Variants in MCM6 observed in about 807,000 individuals in gnomAD.
MCM6 encodes the protein DNA replication licensing factor MCM6.
In MCM6, 46 loss-of-function variants were observed where a neutral mutation model predicts 94.3. The observed-to-expected ratio is 0.49, with a 90% confidence interval of 0.39 to 0.62. The LOEUF is 0.62. MCM6 is among the 20% of genes least tolerant of loss of function. The probability of loss-of-function intolerance (pLI) is 0.00; values close to 1 mark genes in which losing one functional copy is unlikely to be tolerated. For missense variants in MCM6, 865 were observed against 1,017.9 expected (o/e 0.85, Z 2.04); for synonymous variants, 335 against 351.9 (o/e 0.95, Z 0.54).
chr2:135,867,949 C>T (rs1314610261), intron 4 of MCM6, among the ~76,000 whole-genome samples: 1 of 152,102 alleles, frequency 6.6e-6, no homozygotes, highest in African/African-American at 2.4e-5. Context: ...ATGGCGTGAA[C>T]CCAGGAGGCG....
intron 4 of MCM6, among the ~76,000 whole-genome samples, chr2:135,867,876 A>C (rs556357174): frequency 1.2e-4 from 19 of 152,148 alleles, no homozygotes; most frequent in African/African-American, 4.6e-4. Context: ...AAATACAAAA[A>C]ATTAGCCGGG....
chr2:135,870,278 G>GC lies in MCM6; in HGVS notation c.337dup (p.Ala113GlyfsTer85). 6.2e-7 allele frequency: 1 copy of GC among 1,613,646 alleles called. No homozygotes were observed. Among genetic ancestry groups the GC allele is most frequent in the Non-Finnish European group, 8.5e-7 (1 of 1,179,614 alleles). ...GTGTCTGGTAGGCAGGTCTTGGAAT[G>GC]CAACATAAAAATCCTTGGCAAGAGG... On this transcript the variant is annotated frameshift_variant, in exon 3 of 17. Transcript: ENST00000264156. LOFTEE classifies it high-confidence loss of function.
Position 135,848,113 on chromosome 2 carries a change from T to C in MCM6, c.1993A>G (p.Asn665Asp). The stretch of plus-strand genomic sequence containing the variant: ...TGGATCTCTTCCTCTTGATCTAGAT[T>C]GACATCAGGTGTTTCCACACGGATG... ...SIIRVETPDV[N>D]LDQEEEIQME... The change falls in exon 14 of 17, where the codon AAT becomes GAT. Residue 665 changes from asparagine (N) to aspartate (D), a missense_variant. Transcript: ENST00000264156. 6.2e-7 allele frequency: 1 copy of C among 1,609,868 alleles called. No individual in the cohort carries two copies. The highest frequency in any genetic ancestry group is 1.1e-5 in the South Asian group (1 of 90,966).
At chr2:135,868,924 A>C in intron 3 of MCM6, 64 bp from the exon 4 acceptor site, 1 of 1,465,808 alleles carries the variant, frequency 6.8e-7, no homozygotes, top group Non-Finnish European at 9.5e-7. Context: ...TTTCCATTTT[A>C]GTGAGAGGGT....
chr2:135,856,674 T>C (rs1679897592), intron 11 of MCM6, 54 bp downstream of exon 11: 2 of 1,574,272 alleles, frequency 1.3e-6, no homozygotes, highest in Admixed American at 1.7e-5. Flanking sequence ...TCTTCCAGCC[T>C]TGTCTCACTC....
intron 16 of MCM6, among the ~76,000 whole-genome samples, chr2:135,843,069 C>T (rs1679603911): frequency 2.6e-5 from 4 of 152,060 alleles, no homozygotes; most frequent in Middle Eastern, 3.4e-3. Context: ...CTGGTGAAGG[C>T]GGTAAAAAGA....
Position 135,866,737 on chromosome 2 carries a change from C to G in MCM6, c.616-9G>C. The G allele has an allele frequency of 1.9e-6, 3 of 1,589,286 alleles. No homozygotes were observed. The highest frequency in any genetic ancestry group is 2.6e-6 in the Non-Finnish European group (3 of 1,170,862). ...GTCTCTTGAATACGAACCTGTAATA[C>G]AGACAAACAACCAACCAAGAATGAG... On this transcript the variant is annotated splice_polypyrimidine_tract_variant and intron_variant, in intron 4 of 16. Transcript: ENST00000264156.
At chr2:135,843,601 G>A (rs933360202) in intron 16 of MCM6, among the ~76,000 whole-genome samples, 6 of 151,600 alleles carry the variant, frequency 4.0e-5, no homozygotes, top group Admixed American at 2.0e-4. Flanking sequence ...TTAGCCGGGC[G>A]TGGTGGCCGG....
At position 135,862,661 on chromosome 2, in the gene MCM6, T is replaced by C. The variant is rs761487699; in HGVS notation, c.1166A>G (p.Asp389Gly). 1.2e-6 allele frequency: 2 copies of C among 1,614,186 alleles called. No individual in the cohort carries two copies. Among genetic ancestry groups the C allele is most frequent in the Non-Finnish European group, 8.5e-7 (1 of 1,180,038 alleles). The change falls in exon 8 of 17, where the codon GAC (aspartate) becomes GGC (glycine). Residue 389 changes from aspartate (D) to glycine (G), a missense_variant. Coordinates refer to ENST00000264156, the MANE Select transcript of MCM6 (RefSeq NM_005915.6). ...TTGEGTSLRGDINVCIVGDPS... is the reference protein window; with the variant it reads ...TTGEGTSLRGGINVCIVGDPS... ...GTCACCAACAATGCAAACATTTATG[T>C]CCCCTCGAAGAGAGGTCCCTTCTCC...
intron 13 of MCM6, among the ~76,000 whole-genome samples, chr2:135,850,930 G>A (rs947661690): frequency 6.6e-6 from 1 of 152,178 alleles, no homozygotes; most frequent in African/African-American, 2.4e-5. Flanking sequence ...AAGATGGGAC[G>A]CTTGAATGCC....
At chr2:135,875,421 G>A (rs1203698146) in intron 1 of MCM6, among the ~76,000 whole-genome samples, 1 of 151,968 alleles carries the variant, frequency 6.6e-6, no homozygotes, top group Non-Finnish European at 1.5e-5. Flanking sequence ...CGAGGTGAAT[G>A]CACTTAGTGC....
rs574397269 is a variant in MCM6 at position 135,848,553 on chromosome 2, T to C, written c.1918-365A>G. 3.3e-5 allele frequency among the ~76,000 whole-genome samples: 5 copies of C among 152,260 alleles called. No homozygotes were observed. The South Asian group carries it at 1.0e-3, about 32-fold the overall frequency. On this transcript the variant is annotated intron_variant, in intron 13 of 16. Coordinates refer to ENST00000264156, the MANE Select transcript of MCM6 (RefSeq NM_005915.6). ...GTATGTACTTGTAGAAATATAAACATATATACATATCATATGAATCCAAAG... is the reference window on the plus strand; with the variant it reads ...GTATGTACTTGTAGAAATATAAACACATATACATATCATATGAATCCAAAG...
At chr2:135,850,898 C>T (rs182609517) in intron 13 of MCM6, among the ~76,000 whole-genome samples, 80 of 152,288 alleles carry the variant, frequency 5.3e-4, no homozygotes, top group African/African-American at 1.9e-3. Flanking sequence ...TAGGAAAACG[C>T]AGGGCTGCTT....
intron 14 of MCM6, 150 bp from the exon 15 acceptor site, chr2:135,846,542 T>C: frequency 6.0e-6 from 4 of 661,384 alleles, no homozygotes; most frequent in Non-Finnish European, 9.9e-6. Flanking sequence ...AGGGTCTTGC[T>C]ATGCTGCCCA....
intron 9 of MCM6, 70 bp from the exon 10 acceptor site, chr2:135,858,074 C>T: frequency 1.4e-6 from 2 of 1,439,344 alleles, no homozygotes; most frequent in South Asian, 1.2e-5. Context: ...CTTGTAATCC[C>T]AGCACTTTGG....
chr2:135,844,795 G>A (rs1679640639), intron 15 of MCM6, 111 bp from the exon 16 acceptor site: 3 of 1,164,906 alleles, frequency 2.6e-6, no homozygotes, highest in Non-Finnish European at 2.3e-6. Context: ...TAAATGTCAA[G>A]CCGTCCGAAA....
At chr2:135,844,049 G>A (rs369285940) in intron 16 of MCM6, among the ~76,000 whole-genome samples, 16 of 151,670 alleles carry the variant, frequency 1.1e-4, no homozygotes, top group East Asian at 7.8e-4. Flanking sequence ...TCTGGTCATC[G>A]ATTTAAATAA....
chr2:135,847,292 A>G (rs944079741), intron 14 of MCM6, among the ~76,000 whole-genome samples: 1 of 152,100 alleles, frequency 6.6e-6, no homozygotes, highest in African/African-American at 2.4e-5. Context: ...TGGCGTGGGC[A>G]TATGTCCCAG....
chr2:135,868,554 T>C, intron 4 of MCM6, 57 bp downstream of exon 4: 1 of 1,566,914 alleles, frequency 6.4e-7, no homozygotes, highest in Non-Finnish European at 8.8e-7. Flanking sequence ...TGCAAGGGCC[T>C]AGAAGTGAAT....
Sources: allele counts gnomAD v4.1 joint callset (sites outside exome capture counted in the v4.1 genomes callset), GRCh38; gene constraint gnomAD v4.1.1; transcripts MANE v1.5; gene names NCBI Gene and HGNC (gene_info 2026-07-23, HGNC 2026-07-21).